Variants in CTIF observed in about 807,000 individuals in gnomAD.
The protein encoded by CTIF is cap binding complex dependent translation initiation factor.
CTIF carries 21 observed loss-of-function variants against 66.0 expected under a neutral mutation model. That is an observed-to-expected ratio of 0.32 (90% confidence interval 0.23 to 0.46). The LOEUF is 0.46. Ranked by LOEUF, CTIF falls within the 20% of genes least tolerant of loss-of-function variation. The pLI, the probability that CTIF is intolerant of heterozygous loss-of-function variation, is 1.00. For synonymous variants in CTIF, 345 were observed against 326.4 expected (o/e 1.06, Z -0.62); for missense variants, 739 against 812.7 (o/e 0.91, Z 1.10).
chr18:48,579,471 C>G (rs1349023818), intron 1 of CTIF, among the ~76,000 whole-genome samples: 1 of 152,114 alleles, frequency 6.6e-6, no homozygotes, highest in Non-Finnish European at 1.5e-5. Flanking sequence ...CATGTAGATA[C>G]CCAGTTGTCT....
At chr18:48,699,716 C>T (rs1225007029) in intron 6 of CTIF, among the ~76,000 whole-genome samples, 2 of 152,204 alleles carry the variant, frequency 1.3e-5, no homozygotes, top group East Asian at 1.9e-4. Context: ...GTCGACATGC[C>T]ATTCATGCCC....
intron 6 of CTIF, among the ~76,000 whole-genome samples, chr18:48,677,285 A>T (rs1023727167): frequency 6.6e-6 from 1 of 152,122 alleles, no homozygotes; most frequent in Non-Finnish European, 1.5e-5. Context: ...GGTCCCACGG[A>T]GGTGAGGTCT....
intron 3 of CTIF, among the ~76,000 whole-genome samples, chr18:48,640,302 C>T (rs1184369238): frequency 6.6e-6 from 1 of 152,252 alleles, no homozygotes; most frequent in Admixed American, 6.5e-5. Context: ...GCCTGTGCCT[C>T]AGCCAGCTGG....
At chr18:48,714,380 C>T (rs1439385628) in intron 7 of CTIF, among the ~76,000 whole-genome samples, 2 of 152,164 alleles carry the variant, frequency 1.3e-5, no homozygotes, top group East Asian at 1.9e-4. Context: ...CCTCTGATCT[C>T]CCCCCACCAT....
At chr18:48,736,975 C>T (rs1310857390) in intron 7 of CTIF, among the ~76,000 whole-genome samples, 1 of 152,178 alleles carries the variant, frequency 6.6e-6, no homozygotes, top group Non-Finnish European at 1.5e-5. Context: ...TTGACCCCTG[C>T]TTTGCATGCT....
chr18:48,819,335 C>T (rs1019720182), intron 10 of CTIF, among the ~76,000 whole-genome samples: 1 of 152,228 alleles, frequency 6.6e-6, no homozygotes, highest in African/African-American at 2.4e-5. Flanking sequence ...CTTGGGTCCT[C>T]CCATCCTTGC....
chr18:48,609,832 C>T (rs1156544935), intron 1 of CTIF, among the ~76,000 whole-genome samples: 2 of 152,140 alleles, frequency 1.3e-5, no homozygotes, highest in South Asian at 2.1e-4. Context: ...AGAGTTGTCT[C>T]GAGGAGGCTC....
chr18:48,555,764 G>A (rs2089005228), intron 1 of CTIF, among the ~76,000 whole-genome samples: 1 of 152,212 alleles, frequency 6.6e-6, no homozygotes, highest in Admixed American at 6.5e-5. Context: ...GGAGGAAACT[G>A]TGTTTCAACT....
At chr18:48,714,543 T>C (rs1355079612) in intron 7 of CTIF, among the ~76,000 whole-genome samples, 1 of 152,208 alleles carries the variant, frequency 6.6e-6, no homozygotes, top group Admixed American at 6.5e-5. Context: ...CTGCTGAAGC[T>C]AGGAGCATGC....
chr18:48,711,800 A>T (rs2092226599), intron 7 of CTIF, 105 bp downstream of exon 7: 4 of 946,624 alleles, frequency 4.2e-6, no homozygotes, highest in Admixed American at 1.8e-5. Context: ...TCACCAGCTG[A>T]TCCTGATGAG....
At chr18:48,600,209 C>T (rs2090066046) in intron 1 of CTIF, among the ~76,000 whole-genome samples, 1 of 152,054 alleles carries the variant, frequency 6.6e-6, no homozygotes, top group Admixed American at 6.5e-5. Context: ...AGGGAGCTCC[C>T]AGGGTGGGGA....
chr18:48,623,807 T>A (rs1292901909), intron 2 of CTIF, among the ~76,000 whole-genome samples: 1 of 152,126 alleles, frequency 6.6e-6, no homozygotes, highest in East Asian at 1.9e-4. Flanking sequence ...TACACTTGTG[T>A]TCCTCTCGTC....
At chr18:48,702,187 A>C (rs1166970900) in intron 6 of CTIF, among the ~76,000 whole-genome samples, 2 of 152,214 alleles carry the variant, frequency 1.3e-5, no homozygotes, top group African/African-American at 2.4e-5. Context: ...GACTCTTTAG[A>C]CTGTTACAAT....
chr18:48,631,646 C>T (rs746247845), intron 2 of CTIF, among the ~76,000 whole-genome samples: 3 of 152,246 alleles, frequency 2.0e-5, no homozygotes, highest in Non-Finnish European at 4.4e-5. Context: ...AGTCTTAACC[C>T]TGTGTCATGT....
chr18:48,603,236 T>G (rs1408186335), intron 1 of CTIF, among the ~76,000 whole-genome samples: 60 of 113,282 alleles, frequency 5.3e-4, no homozygotes, highest in Middle Eastern at 8.9e-3. Flanking sequence ...GTGGGTAGAT[T>G]GATGGATGGA....
At chr18:48,691,222 A>G (rs192542685) in intron 6 of CTIF, among the ~76,000 whole-genome samples, 10 of 152,308 alleles carry the variant, frequency 6.6e-5, no homozygotes, top group East Asian at 3.9e-4. Context: ...GGCATTTCCA[A>G]CTCAACTGGG....
At chr18:48,798,226 G>A (rs1233644708) in intron 9 of CTIF, among the ~76,000 whole-genome samples, 1 of 152,122 alleles carries the variant, frequency 6.6e-6, no homozygotes, top group African/African-American at 2.4e-5. Flanking sequence ...GTTGTCCAAG[G>A]AACCCTCAAA....
At chr18:48,691,885 C>T (rs2091930777) in intron 6 of CTIF, among the ~76,000 whole-genome samples, 1 of 152,116 alleles carries the variant, frequency 6.6e-6, no homozygotes, top group African/African-American at 2.4e-5. Context: ...GCCATTTTAT[C>T]CTTTTCTTCT....
intron 6 of CTIF, among the ~76,000 whole-genome samples, chr18:48,686,955 TG>T (rs1309354544): frequency 6.6e-6 from 1 of 152,188 alleles, no homozygotes; most frequent in Non-Finnish European, 1.5e-5. Context: ...TCTGTGCTTA[TG>T]GGGGTTTACA....
Sources: gnomAD v4.1 joint callset for allele counts (sites outside exome capture counted in the v4.1 genomes callset) on GRCh38, gnomAD v4.1.1 for gene constraint, MANE v1.5 for transcripts, NCBI Gene and HGNC (gene_info 2026-07-23, HGNC 2026-07-21) for gene names.